Variants in ITPR1 observed in about 807,000 individuals in gnomAD.
ITPR1 encodes inositol 1,4,5-trisphosphate-gated calcium channel ITPR1.
Under a neutral mutation model 318.4 loss-of-function variants are expected in ITPR1, and 96 were observed. The observed-to-expected ratio is 0.30, with a 90% confidence interval of 0.26 to 0.36. The LOEUF (loss-of-function observed/expected upper bound fraction) is 0.36, where lower values mean the gene tolerates loss of function less well. ITPR1 is among the 10% of genes least tolerant of loss of function. The pLI is 1.00. For synonymous variants in ITPR1, 1,312 were observed against 1,289.9 expected, an observed-to-expected ratio of 1.02 and a Z score of -0.37; for missense variants, 2,440 against 3,460.2, an observed-to-expected ratio of 0.71 and a Z score of 7.40.
At chr3:4,768,859 A>T in intron 46 of ITPR1, 95 bp downstream of exon 46, 1 of 1,208,036 alleles carries the variant, frequency 8.3e-7, no homozygotes, top group Non-Finnish European at 1.2e-6. Context: ...CTTGGGCCAG[A>T]TTGCTTGAGC....
chr3:4,737,539 G>A lies in ITPR1; in HGVS notation c.5544+2185G>A, dbSNP rs138305074. Among the ~76,000 whole-genome samples the A allele has an allele frequency of 2.6e-5, 4 of 152,312 alleles. No individual in the cohort carries two copies. In the East Asian group the frequency reaches 7.7e-4, roughly 29 times the overall value. On this transcript the variant is annotated intron_variant, in intron 44 of 61. Coordinates refer to ENST00000649015, the MANE Select transcript of ITPR1 (RefSeq NM_001378452.1). ...GGTTGGGTCTTTCAGACCGAGGAGT[G>A]CTATGTAGAAGTGAAGGGCCTTGGA...
chr3:4,693,980 A>T (rs912359997), intron 33 of ITPR1, among the ~76,000 whole-genome samples: 2 of 152,238 alleles, frequency 1.3e-5, no homozygotes, highest in Non-Finnish European at 2.9e-5. Context: ...GTGAGGAAAA[A>T]AGCTTCAGCT....
At chr3:4,544,437 G>A (rs1291320558) in intron 4 of ITPR1, among the ~76,000 whole-genome samples, 1 of 152,204 alleles carries the variant, frequency 6.6e-6, no homozygotes, top group Non-Finnish European at 1.5e-5. Context: ...TTCACCTGAT[G>A]CCAGTATTCA....
chr3:4,646,566 G>A (rs1200433592), intron 10 of ITPR1, among the ~76,000 whole-genome samples: 1 of 152,212 alleles, frequency 6.6e-6, no homozygotes, highest in Non-Finnish European at 1.5e-5. Flanking sequence ...AGGGAGTTGG[G>A]ATTTAATTTA....
chr3:4,600,342 T>C (rs1225147836), intron 4 of ITPR1, among the ~76,000 whole-genome samples: 1 of 152,124 alleles, frequency 6.6e-6, no homozygotes, highest in African/African-American at 2.4e-5. Context: ...TCTGTGGTCG[T>C]GTATTGATTC....
chr3:4,836,653 G>A (rs1456105038), intron 60 of ITPR1, 121 bp from the exon 61 acceptor site: 1 of 994,112 alleles, frequency 1.0e-6, no homozygotes, highest in Non-Finnish European at 1.3e-6. Context: ...TTCTGCCATA[G>A]AAGGAGATAA....
chr3:4,505,343 C>A (rs142102596), intron 2 of ITPR1, among the ~76,000 whole-genome samples: 296 of 152,234 alleles, frequency 1.9e-3, no homozygotes, highest in African/African-American at 7.0e-3. Context: ...CAAGCACAAG[C>A]CACCACGCCT....
At chr3:4,554,568 G>C (rs1559438029) in intron 4 of ITPR1, among the ~76,000 whole-genome samples, 1 of 152,148 alleles carries the variant, frequency 6.6e-6, no homozygotes, top group Non-Finnish European at 1.5e-5. Flanking sequence ...AGGGGTCGTA[G>C]GGTGGCAGGC....
chr3:4,567,040 T>G (rs1040615176), intron 4 of ITPR1, among the ~76,000 whole-genome samples: 10 of 152,332 alleles, frequency 6.6e-5, no homozygotes, highest in Admixed American at 6.5e-5. Context: ...AGAAAGACAT[T>G]TAATCTCTTT....
At chr3:4,668,474 C>CTT (rs1178038594) in intron 18 of ITPR1, among the ~76,000 whole-genome samples, 1 of 146,224 alleles carries the variant, frequency 6.8e-6, no homozygotes, top group Admixed American at 6.8e-5. Context: ...TTCCCTTTTT[C>CTT]TTTTTTTTTT....
chr3:4,762,743 G>T (rs1260341540), intron 44 of ITPR1, among the ~76,000 whole-genome samples: 1 of 152,188 alleles, frequency 6.6e-6, no homozygotes, highest in Non-Finnish European at 1.5e-5. Flanking sequence ...AACCTGCCCT[G>T]CTAATTCCTC....
chr3:4,637,739 A>G (rs915321258), intron 5 of ITPR1, among the ~76,000 whole-genome samples: 2 of 152,224 alleles, frequency 1.3e-5, no homozygotes, highest in African/African-American at 4.8e-5. Flanking sequence ...ATTTTGGCTT[A>G]GAATTGCTTC....
intron 4 of ITPR1, among the ~76,000 whole-genome samples, chr3:4,572,892 T>G (rs1161638092): frequency 6.6e-6 from 1 of 152,244 alleles, no homozygotes; most frequent in Non-Finnish European, 1.5e-5. Context: ...TCTTAATAGT[T>G]GATCAGTGTT....
At chr3:4,675,463 C>T (rs558738415) in intron 23 of ITPR1, among the ~76,000 whole-genome samples, 2 of 152,250 alleles carry the variant, frequency 1.3e-5, no homozygotes, top group African/African-American at 2.4e-5. Flanking sequence ...CAGTTATTCA[C>T]GTTTTGCTGA....
At chr3:4,660,241 A>T (rs142626057) in intron 13 of ITPR1, among the ~76,000 whole-genome samples, 2 of 152,252 alleles carry the variant, frequency 1.3e-5, no homozygotes, top group African/African-American at 4.8e-5. Context: ...CTATACTTCC[A>T]TGTTTCTTTG....
chr3:4,790,071 T>C (rs2047456599), intron 52 of ITPR1, among the ~76,000 whole-genome samples: 1 of 152,252 alleles, frequency 6.6e-6, no homozygotes, highest in Non-Finnish European at 1.5e-5. Flanking sequence ...ATAATGTATG[T>C]ATTTTATAGG....
At chr3:4,745,085 CTCTT>C (rs1483811302) in intron 44 of ITPR1, among the ~76,000 whole-genome samples, 3 of 138,776 alleles carry the variant, frequency 2.2e-5, no homozygotes, top group Admixed American at 7.4e-5. Flanking sequence ...TTCTTTCTCT[CTCTT>C]TCTCACTGTC....
intron 4 of ITPR1, among the ~76,000 whole-genome samples, chr3:4,565,977 C>T (rs1220362024): frequency 6.6e-6 from 1 of 152,142 alleles, no homozygotes; most frequent in Non-Finnish European, 1.5e-5. Context: ...CCAGGAAGTT[C>T]AGCTTCACTC....
intron 5 of ITPR1, among the ~76,000 whole-genome samples, chr3:4,629,654 C>T (rs1393756426): frequency 6.6e-6 from 1 of 152,206 alleles, no homozygotes; most frequent in Non-Finnish European, 1.5e-5. Flanking sequence ...AGAAGTATAA[C>T]AGTCTTAACC....
Sources: allele counts gnomAD v4.1 joint callset (sites outside exome capture counted in the v4.1 genomes callset), GRCh38; gene constraint gnomAD v4.1.1; transcripts MANE v1.5; gene names NCBI Gene and HGNC (gene_info 2026-07-23, HGNC 2026-07-21).